Variants in IL2RB observed in about 807,000 individuals in gnomAD.
IL2RB encodes the protein interleukin-2 receptor subunit beta.
A neutral mutation model predicts 44.2 loss-of-function variants in IL2RB; 17 were observed. That is an observed-to-expected ratio of 0.38 (90% CI 0.26 to 0.58). The LOEUF is 0.58. Among genes scored for constraint, IL2RB ranks in the 20% least tolerant of loss-of-function variants. IL2RB has a pLI of 0.63. For missense variants in IL2RB, 624 were observed against 685.5 expected, an observed-to-expected ratio of 0.91 and a Z score of 1.00; for synonymous variants, 286 against 297.9, an observed-to-expected ratio of 0.96 and a Z score of 0.41.
intron 1 of IL2RB, among the ~76,000 whole-genome samples, chr22:37,145,822 T>G (rs1250400278): frequency 6.6e-6 from 1 of 152,132 alleles, no homozygotes; most frequent in Non-Finnish European, 1.5e-5. Flanking sequence ...CCAAGGCTCC[T>G]GAGCGTTGGG....
At chr22:37,153,410 A>G (rs1922567556), upstream of IL2RB, among the ~76,000 whole-genome samples, 1 of 152,202 alleles carries the variant, frequency 6.6e-6, no homozygotes, top group African/African-American at 2.4e-5. Context: ...AGGACTGGAG[A>G]TTGAGGCTGT....
intron 1 of IL2RB, among the ~76,000 whole-genome samples, chr22:37,149,613 T>G (rs1922392539): frequency 6.6e-6 from 1 of 152,168 alleles, no homozygotes; most frequent in Non-Finnish European, 1.5e-5. Context: ...AGAGCTGACC[T>G]GGGACTGGGG....
chr22:37,129,555 A>AG (rs145782840), intron 9 of IL2RB, among the ~76,000 whole-genome samples: 2,265 of 150,376 alleles, frequency 0.015, 55 homozygotes, highest in African/African-American at 0.053. Context: ...AGGAGTGGGA[A>AG]GACCCGGGTT....
In IL2RB at chr22:37,139,312, G is replaced by T. The variant is rs567004632; in HGVS notation, c.283-90C>A. On this transcript the variant is annotated intron_variant, in intron 4 of 9. Coordinates refer to ENST00000216223, the MANE Select transcript of IL2RB (RefSeq NM_000878.5). ...CCGGGATGACCTGGGAAGGATGGCA[G>T]CCTCTCCACATGCCCCGCCACCCAA... The T allele has an allele frequency of 1.5e-5, 12 of 823,950 alleles. No homozygotes were observed. In the East Asian group the frequency reaches 3.2e-4, roughly 22 times the overall value. The allele number at this position is 823,950 out of a possible 1,614,324, so 51.0% of individuals were successfully genotyped here.
At position 37,137,690 on chromosome 22, in the gene IL2RB, G is replaced by A. The variant is rs1216875084; in HGVS notation, c.434C>T (p.Thr145Ile). ...TTCCCAGCTTATGTTGCATCTGTGG[G>A]TCTCCACGTGGACAACTTGGAGGGA... is the stretch of plus-strand genomic sequence containing the variant. ...PISLQVVHVETHRCNISWEIS... is the reference protein window; with the variant it reads ...PISLQVVHVEIHRCNISWEIS... Residue 145 changes from threonine to isoleucine, a missense_variant, in exon 6 of 10, where the codon ACC (threonine) becomes ATC (isoleucine). Transcript: ENST00000216223. 6.2e-7 allele frequency: 1 copy of A among 1,614,066 alleles called. No homozygotes were observed. Among genetic ancestry groups the A allele is most frequent in the East Asian group, 2.2e-5 (1 of 44,882 alleles).
rs920799741 is a variant in IL2RB at position 37,141,275 on chromosome 22, C to T, written c.282+1159G>A. Among the ~76,000 whole-genome samples, 6 of 151,754 alleles carry T rather than the reference C, an allele frequency of 4.0e-5. No homozygotes were observed. The highest frequency in any genetic ancestry group is 1.2e-4 in the African/African-American group (5 of 41,268). ...CAGGTGATCTTGCAAGCAGGGAGCA[C>T]GCAGGAGACCCACCCTCCCGGGCAC... On this transcript the variant is annotated intron_variant, in intron 4 of 9. Transcript: ENST00000216223. The surrounding 1 kb of genome is among the most constrained non-coding windows in gnomAD (Gnocchi z 4.4).
chr22:37,155,270 G>T (rs2016771), intron 1 of IL2RB, among the ~76,000 whole-genome samples: 64,350 of 151,854 alleles, frequency 0.42, 13,957 homozygotes, highest in South Asian at 0.59. Flanking sequence ...CTCCGCCCTG[G>T]TCTCCCTGTT....
chr22:37,170,073 G>GGAT (rs1923224756), intron 1 of IL2RB, among the ~76,000 whole-genome samples: 2 of 3,338 alleles, frequency 6.0e-4, no homozygotes, highest in Non-Finnish European at 7.8e-3. Flanking sequence ...GGAAGGATGG[G>GGAT]GGAGAAGGAA....
intron 1 of IL2RB, among the ~76,000 whole-genome samples, chr22:37,159,581 C>T (rs559696456): frequency 6.6e-6 from 1 of 152,290 alleles, no homozygotes; most frequent in Admixed American, 6.5e-5. Flanking sequence ...TTGGTCTCTG[C>T]CTCTTGGAGT....
rs55819516 is a variant in IL2RB, at chr22:37,143,884, C to CGTGTGTGTGT, written c.88+191_88+200dup. On this transcript the variant is annotated intron_variant, in intron 2 of 9. Coordinates refer to ENST00000216223, the MANE Select transcript of IL2RB (RefSeq NM_000878.5). ...AGCACAAGCCTGTGGCTTGGAGAGG[C>CGTGTGTGTGT]GTGTGTGTGTGTGTGTGTGTGTGTG... Among the ~76,000 whole-genome samples the CGTGTGTGTGT allele has an allele frequency of 1.5e-3, 216 of 139,878 alleles. 1 individual carries two copies. The highest frequency in any genetic ancestry group is 5.7e-3 in the African/African-American group (199 of 34,654). 91.8% of individuals were successfully genotyped at this position (139,878 alleles called of 152,430 possible).
chr22:37,154,708 T>G (rs375044744), upstream of IL2RB, among the ~76,000 whole-genome samples: 37 of 152,194 alleles, frequency 2.4e-4, no homozygotes, highest in African/African-American at 8.9e-4. Flanking sequence ...CCCGAGTAGC[T>G]GGGATTACAG....
intron 4 of IL2RB, among the ~76,000 whole-genome samples, chr22:37,142,171 C>G (rs1569045865): frequency 6.6e-6 from 1 of 152,206 alleles, no homozygotes; most frequent in African/African-American, 2.4e-5. Context: ...CCACAAAGCG[C>G]AGGGGAGACA....
chr22:37,138,810 G>A (rs2146238613), intron 5 of IL2RB, among the ~76,000 whole-genome samples: 1 of 152,332 alleles, frequency 6.6e-6, no homozygotes, highest in East Asian at 1.9e-4. Context: ...AGTGGGATCG[G>A]CATGTGCAAG....
chr22:37,143,435 C>G lies in IL2RB; in HGVS notation c.203+86G>C, dbSNP rs578023432. The G allele has an allele frequency of 3.7e-5, 32 of 872,134 alleles. No individual in the cohort carries two copies. In the African/African-American group the frequency reaches 5.0e-4, roughly 14 times the overall value. The allele number at this position is 872,134 out of a possible 1,614,324, so 54.0% of individuals were successfully genotyped here. On this transcript the variant is annotated intron_variant, in intron 3 of 9. Transcript: ENST00000216223. ...TCCCATTAGTCCAAGATTCTGTAAA[C>G]GTTGACTCCTTGGAGTCCAGTGCAT... is the stretch of plus-strand genomic sequence containing the variant.
intron 1 of IL2RB, among the ~76,000 whole-genome samples, chr22:37,161,173 C>T (rs564510113): frequency 9.2e-5 from 14 of 152,230 alleles, no homozygotes; most frequent in African/African-American, 3.4e-4. Flanking sequence ...GTGAAAACCT[C>T]CCATTTAAAA....
In IL2RB at chr22:37,127,820, C is replaced by A. The variant is rs979026667; in HGVS notation, c.*276G>T. On this transcript the variant is annotated 3_prime_UTR_variant, in exon 10 of 10. Transcript: ENST00000216223. ...GGAGCGATGCTTCTGAGCCTAAATT[C>A]GTGGGATCCTGTGATTAACGAGGGA... 10 of 320,188 alleles carry A rather than the reference C, an allele frequency of 3.1e-5. No individual in the cohort carries two copies. The highest frequency in any genetic ancestry group is 8.3e-4 in the Middle Eastern group (1 of 1,198). 19.8% of individuals were successfully genotyped at this position (320,188 alleles called of 1,614,324 possible). A position where few individuals can be genotyped will look rare whatever the true frequency, so the allele number is the denominator to read the frequency against.
intron 6 of IL2RB, among the ~76,000 whole-genome samples, chr22:37,136,807 GCCT>G (rs991235874): frequency 1.3e-5 from 2 of 152,102 alleles, no homozygotes; most frequent in Admixed American, 6.5e-5. Flanking sequence ...CACTCTTTTT[GCCT>G]CCTCCTGCTC....
chr22:37,132,620 G>T, intron 8 of IL2RB, 152 bp from the exon 9 acceptor site: 1 of 637,322 alleles, frequency 1.6e-6, no homozygotes, highest in Non-Finnish European at 2.8e-6. Flanking sequence ...CACTGTGGGA[G>T]GACGCTGTGT....
chr22:37,152,863 A>T (rs1922545444), upstream of IL2RB, among the ~76,000 whole-genome samples: 1 of 151,282 alleles, frequency 6.6e-6, no homozygotes, highest in Non-Finnish European at 1.5e-5. Flanking sequence ...GCCCAGAAGC[A>T]GCAGCTCTGC....
Sources: gnomAD v4.1 joint callset for allele counts (sites outside exome capture counted in the v4.1 genomes callset) on GRCh38, gnomAD v4.1.1 for gene constraint, Gnocchi (gnomAD v3.1) non-coding constraint, MANE v1.5 for transcripts, NCBI Gene and HGNC (gene_info 2026-07-23, HGNC 2026-07-21) for gene names.